Variants in FERMT2 observed in about 807,000 individuals in gnomAD.
The protein encoded by FERMT2 is FERM domain containing kindlin 2.
In FERMT2, 15 loss-of-function variants were observed where a neutral mutation model predicts 82.7. The observed-to-expected ratio is 0.18, with a 90% CI of 0.12 to 0.28. The LOEUF (loss-of-function observed/expected upper bound fraction) is 0.28. Among genes scored for constraint, FERMT2 ranks in the 10% least tolerant of loss-of-function variants. The pLI, the probability that FERMT2 is intolerant of heterozygous loss-of-function variation, is 1.00. For missense variants in FERMT2, 645 were observed against 809.4 expected (o/e 0.80, Z 2.46); for synonymous variants, 274 against 271.5 (o/e 1.01, Z -0.09).
chr14:52,918,356 G>A (rs1249389660), intron 3 of FERMT2, among the ~76,000 whole-genome samples: 3 of 152,112 alleles, frequency 2.0e-5, no homozygotes, highest in African/African-American at 4.8e-5. Flanking sequence ...ATTACTTAGG[G>A]GAAGGGGGAG....
At chr14:52,936,699 T>G (rs901194267) in intron 2 of FERMT2, among the ~76,000 whole-genome samples, 12 of 152,116 alleles carry the variant, frequency 7.9e-5, no homozygotes, top group Non-Finnish European at 1.6e-4. Flanking sequence ...TCTCCTCCCA[T>G]TTTTTGCCTG....
At chr14:52,881,215 T>C in intron 5 of FERMT2, 29 bp downstream of exon 5, 2 of 1,603,034 alleles carry the variant, frequency 1.2e-6, no homozygotes, top group Non-Finnish European at 1.7e-6. Flanking sequence ...GATGAAGAAA[T>C]TCAATTTTAT....
intron 2 of FERMT2, among the ~76,000 whole-genome samples, chr14:52,926,740 T>C (rs1321644699): frequency 4.0e-5 from 6 of 149,936 alleles, no homozygotes; most frequent in African/African-American, 9.7e-5. Flanking sequence ...GCTGTACTAT[T>C]ATGAAGCCAT....
Position 52,858,258 on chromosome 14 carries a change from A to G in FERMT2, c.*119T>C, listed in dbSNP as rs1301169455. On this transcript the variant is annotated 3_prime_UTR_variant, in exon 15 of 15. Transcript: ENST00000341590. ...CATATTAACTGGTCTGGTAAGGCAA[A>G]GAAGTTTTCATGATAAAATGATAAA... The G allele has an allele frequency of 2.3e-6, 2 of 860,880 alleles. No individual in the cohort carries two copies. The highest frequency in any genetic ancestry group is 2.5e-5 in the East Asian group (1 of 39,708). The allele number at this position is 860,880 out of a possible 1,614,324, so 53.3% of individuals were successfully genotyped here.
At chr14:52,912,220 A>G (rs1227514799) in intron 3 of FERMT2, among the ~76,000 whole-genome samples, 1 of 152,186 alleles carries the variant, frequency 6.6e-6, no homozygotes, top group Non-Finnish European at 1.5e-5. Context: ...TGTAAACACG[A>G]CTAGTCTATA....
intron 4 of FERMT2, among the ~76,000 whole-genome samples, chr14:52,892,193 G>A (rs1358867242): frequency 3.6e-5 from 5 of 137,188 alleles, no homozygotes; most frequent in African/African-American, 8.8e-5. Context: ...TTTTTGAGAC[G>A]GAGTTGTCAC....
intron 4 of FERMT2, among the ~76,000 whole-genome samples, chr14:52,885,377 A>G (rs1886542125): frequency 6.6e-6 from 1 of 151,558 alleles, no homozygotes; most frequent in South Asian, 2.1e-4. Flanking sequence ...CAATGCTTCA[A>G]CAAACATTTT....
At chr14:52,872,449 G>A (rs1255078899) in intron 10 of FERMT2, among the ~76,000 whole-genome samples, 3 of 152,032 alleles carry the variant, frequency 2.0e-5, no homozygotes, top group East Asian at 3.9e-4. Context: ...CAAGAAAATC[G>A]CTTGAACCCG....
At chr14:52,919,743 G>A (rs1888844599) in intron 2 of FERMT2, among the ~76,000 whole-genome samples, 1 of 152,140 alleles carries the variant, frequency 6.6e-6, no homozygotes, top group African/African-American at 2.4e-5. Context: ...ACATTCTGAT[G>A]AGAAACTGAA....
chr14:52,872,592 T>C lies in FERMT2; in HGVS notation c.1273+207A>G, dbSNP rs1336209795. On this transcript the variant is annotated intron_variant, in intron 10 of 14. Coordinates refer to ENST00000341590, the MANE Select transcript of FERMT2 (RefSeq NM_006832.3). Reference sequence around the variant, plus strand: ...TCAGGTCAAGTCTGCACAAAGAGATTACAACAAAATATTTATGTGGAATTG... The same window carrying C: ...TCAGGTCAAGTCTGCACAAAGAGATCACAACAAAATATTTATGTGGAATTG... Among the ~76,000 whole-genome samples the C allele has an allele frequency of 2.0e-5, 3 of 152,184 alleles. No homozygotes were observed. The East Asian group carries it at 5.8e-4, about 29-fold the overall frequency.
At chr14:52,883,160 C>G (rs1388391068) in intron 4 of FERMT2, among the ~76,000 whole-genome samples, 1 of 152,000 alleles carries the variant, frequency 6.6e-6, no homozygotes, top group Admixed American at 6.6e-5. Context: ...CTCAAACAAA[C>G]AAACAAACAA....
At chr14:52,943,208 C>CAAAAAAA (rs1176698065) in intron 2 of FERMT2, among the ~76,000 whole-genome samples, 1 of 110,606 alleles carries the variant, frequency 9.0e-6, no homozygotes, top group Admixed American at 8.2e-5. Flanking sequence ...AACTCTGTCT[C>CAAAAAAA]AAAAGAAAAA....
chr14:52,899,772 C>G lies in FERMT2; in HGVS notation c.392-6345G>C, dbSNP rs147094845. Among the ~76,000 whole-genome samples the G allele has an allele frequency of 1.2e-3, 179 of 152,328 alleles. 1 individual carries two copies. Among genetic ancestry groups the G allele is most frequent in the Middle Eastern group, 3.4e-3 (1 of 294 alleles). On this transcript the variant is annotated intron_variant, in intron 3 of 14. Transcript: ENST00000341590. The stretch of plus-strand genomic sequence containing the variant: ...AAACCTAACTCTCCACATTAAGATA[C>G]TGATCATTTCACTGACATGAGAATT...
At chr14:52,936,794 C>T (rs1449829609) in intron 2 of FERMT2, among the ~76,000 whole-genome samples, 1 of 152,122 alleles carries the variant, frequency 6.6e-6, no homozygotes, top group Non-Finnish European at 1.5e-5. Context: ...TCCAGTTGCC[C>T]AGTACAGAAT....
intron 4 of FERMT2, among the ~76,000 whole-genome samples, chr14:52,890,557 T>C (rs929980170): frequency 1.6e-4 from 24 of 151,662 alleles, no homozygotes; most frequent in African/African-American, 5.4e-4. Context: ...CACATGACTA[T>C]ATATATTTCT....
At position 52,884,853 on chromosome 14, in the gene FERMT2, T is replaced by C. The variant is rs998496386; in HGVS notation, c.527-3384A>G. Among the ~76,000 whole-genome samples the C allele has an allele frequency of 2.0e-5, 3 of 150,760 alleles. No individual in the cohort carries two copies. In the East Asian group the frequency reaches 5.9e-4, roughly 30 times the overall value. On this transcript the variant is annotated intron_variant, in intron 4 of 14. Transcript: ENST00000341590. Reference sequence around the variant, plus strand: ...CTGTCTCCACTAAAAATATAAAAAATAAGCTGGGTGTGGTGGTGCACGCCT... The same window carrying C: ...CTGTCTCCACTAAAAATATAAAAAACAAGCTGGGTGTGGTGGTGCACGCCT...
At chr14:52,929,953 T>A (rs1889485559) in intron 2 of FERMT2, among the ~76,000 whole-genome samples, 1 of 152,168 alleles carries the variant, frequency 6.6e-6, no homozygotes, top group Admixed American at 6.5e-5. Flanking sequence ...AAGAAATATT[T>A]AACAAATGAA....
At chr14:52,949,865 C>T (rs936219586) in intron 2 of FERMT2, among the ~76,000 whole-genome samples, 3 of 152,202 alleles carry the variant, frequency 2.0e-5, no homozygotes, top group Non-Finnish European at 4.4e-5. Flanking sequence ...AGCACTGCCC[C>T]ACCCCTAGTA....
chr14:52,925,952 GTAA>G (rs1889245678), intron 2 of FERMT2, among the ~76,000 whole-genome samples: 1 of 152,086 alleles, frequency 6.6e-6, no homozygotes, highest in Non-Finnish European at 1.5e-5. Flanking sequence ...CACAGATGCG[GTAA>G]CTCTTGAAAG....
Sources: gnomAD v4.1 joint callset for allele counts (sites outside exome capture counted in the v4.1 genomes callset) on GRCh38, gnomAD v4.1.1 for gene constraint, MANE v1.5 for transcripts, NCBI Gene and HGNC (gene_info 2026-07-23, HGNC 2026-07-21) for gene names.